The following BTBD9 variants were observed in gnomAD, a reference collection of about 807,000 sequenced individuals.
The protein encoded by BTBD9 is BTB domain containing 9, also known as BTB/POZ domain-containing protein 9.
Under a neutral mutation model 64.3 loss-of-function variants are expected in BTBD9, and 49 were observed. The ratio of observed to expected loss-of-function variants is 0.76; its 90% CI spans 0.61 to 0.97. The LOEUF (loss-of-function observed/expected upper bound fraction) is 0.97. BTBD9 is among the 50% of genes least tolerant of loss of function. The probability of loss-of-function intolerance (pLI) is 0.00; values close to 1 mark genes in which losing one functional copy is unlikely to be tolerated. For synonymous variants in BTBD9, 260 were observed against 274.7 expected (o/e 0.95, Z 0.53); for missense variants, 598 against 762.1 (o/e 0.78, Z 2.53).
intron 6 of BTBD9, among the ~76,000 whole-genome samples, chr6:38,570,297 T>C (rs1346022576): frequency 6.6e-6 from 1 of 152,224 alleles, no homozygotes; most frequent in African/African-American, 2.4e-5. Flanking sequence ...CTCCTTCTCC[T>C]ACTCTAAGGT....
intron 6 of BTBD9, among the ~76,000 whole-genome samples, chr6:38,423,291 CTTATTA>C (rs919865342): frequency 2.0e-5 from 3 of 151,702 alleles, no homozygotes; most frequent in African/African-American, 4.8e-5. Flanking sequence ...AAATTAAAAC[CTTATTA>C]TTATTATTAT....
chr6:38,484,059 T>C (rs1310771974), intron 6 of BTBD9, among the ~76,000 whole-genome samples: 1 of 152,238 alleles, frequency 6.6e-6, no homozygotes, highest in Non-Finnish European at 1.5e-5. Flanking sequence ...GTGTTTAGTA[T>C]ATTGTGGGTG....
chr6:38,592,181 C>CAA (rs199989280), intron 4 of BTBD9, among the ~76,000 whole-genome samples: 8,129 of 110,574 alleles, frequency 0.074, 565 homozygotes, highest in East Asian at 0.25. Context: ...AACTCCATCT[C>CAA]AAAAAAAAAA....
chr6:38,555,257 G>A (rs1385682908), intron 6 of BTBD9, among the ~76,000 whole-genome samples: 1 of 152,110 alleles, frequency 6.6e-6, no homozygotes, highest in Non-Finnish European at 1.5e-5. Flanking sequence ...GCCTGTGTTT[G>A]TTGCTGCTGT....
intron 1 of BTBD9, among the ~76,000 whole-genome samples, chr6:38,599,086 G>A (rs1777159208): frequency 6.6e-6 from 1 of 152,016 alleles, no homozygotes; most frequent in African/African-American, 2.4e-5. Flanking sequence ...CTGATGATCA[G>A]GCTGCCAATG....
intron 6 of BTBD9, among the ~76,000 whole-genome samples, chr6:38,386,904 A>C (rs1195686146): frequency 6.6e-6 from 1 of 152,002 alleles, no homozygotes; most frequent in African/African-American, 2.4e-5. Flanking sequence ...TGGGCTCCCA[A>C]AGTGCTGGGA....
At chr6:38,293,465 T>TA (rs1762037818) in intron 7 of BTBD9, among the ~76,000 whole-genome samples, 1 of 151,872 alleles carries the variant, frequency 6.6e-6, no homozygotes, top group Admixed American at 6.6e-5. Flanking sequence ...TGGTACCAAA[T>TA]AGATATATGG....
At chr6:38,218,256 C>T (rs1305501406) in intron 9 of BTBD9, among the ~76,000 whole-genome samples, 1 of 152,216 alleles carries the variant, frequency 6.6e-6, no homozygotes, top group African/African-American at 2.4e-5. Context: ...AGATCTCTGT[C>T]ACACATTCAT....
chr6:38,380,947 T>C (rs1317053340), intron 6 of BTBD9, among the ~76,000 whole-genome samples: 2 of 151,992 alleles, frequency 1.3e-5, no homozygotes, highest in Non-Finnish European at 2.9e-5. Flanking sequence ...TTAAAATTTC[T>C]GAAATCTAGT....
In BTBD9 at chr6:38,632,508, T is replaced by C. The variant is rs185044116; in HGVS notation, c.-28+7292A>G. 4.0e-3 allele frequency among the ~76,000 whole-genome samples: 604 copies of C among 152,312 alleles called. 8 individuals carry two copies. The highest frequency in any genetic ancestry group is 0.014 in the African/African-American group (573 of 41,554). On this transcript the variant is annotated intron_variant, in intron 1 of 10. Coordinates refer to ENST00000481247, the MANE Select transcript of BTBD9 (RefSeq NM_001099272.2). ...TTAGCTGGGAAATCTCAGGTAAACATTGTTTGGGGTGAAGTTTTAAGGGAT... is the reference window on the plus strand; with the variant it reads ...TTAGCTGGGAAATCTCAGGTAAACACTGTTTGGGGTGAAGTTTTAAGGGAT...
intron 10 of BTBD9, among the ~76,000 whole-genome samples, chr6:38,189,705 G>A (rs1761974462): frequency 6.7e-6 from 1 of 149,674 alleles, no homozygotes; most frequent in Non-Finnish European, 1.5e-5. Context: ...ATGGAGCCTT[G>A]TTCTGTTGCC....
intron 6 of BTBD9, among the ~76,000 whole-genome samples, chr6:38,349,455 C>T (rs899811498): frequency 2.6e-5 from 4 of 152,070 alleles, no homozygotes; most frequent in African/African-American, 7.2e-5. Flanking sequence ...CAGTTATCTG[C>T]AGTACAGTAT....
At chr6:38,417,800 GAAA>G (rs10694538) in intron 6 of BTBD9, among the ~76,000 whole-genome samples, 33 of 142,966 alleles carry the variant, frequency 2.3e-4, no homozygotes, top group South Asian at 1.3e-3. Context: ...GAGAGAGAGA[GAAA>G]AAAAATATTG....
intron 8 of BTBD9, among the ~76,000 whole-genome samples, chr6:38,257,058 C>T (rs1231785971): frequency 4.2e-5 from 6 of 143,036 alleles, no homozygotes; most frequent in African/African-American, 1.6e-4. Context: ...TATAGTTGCA[C>T]ACTTCTTTTT....
intron 1 of BTBD9, among the ~76,000 whole-genome samples, chr6:38,635,689 A>G (rs1041183456): frequency 6.6e-6 from 1 of 152,208 alleles, no homozygotes; most frequent in Non-Finnish European, 1.5e-5. Context: ...GTTATGACAC[A>G]GCAAGAAGGC....
intron 10 of BTBD9, among the ~76,000 whole-genome samples, chr6:38,190,467 T>TAAAAA (rs70981527): frequency 1.2e-4 from 9 of 77,504 alleles, no homozygotes; most frequent in African/African-American, 3.3e-4. Flanking sequence ...AAACTCTGTC[T>TAAAAA]AAAAAAAAAA....
intron 8 of BTBD9, among the ~76,000 whole-genome samples, chr6:38,287,097 AAAAAAAAAAT>A (rs1286452252): frequency 7.7e-6 from 1 of 129,584 alleles, no homozygotes; most frequent in Non-Finnish European, 1.6e-5. Flanking sequence ...AAAAAAAAAA[AAAAAAAAAAT>A]ATACACACAC....
chr6:38,179,839 A>G (rs756969127), intron 10 of BTBD9: 1 of 456,786 alleles, frequency 2.2e-6, no homozygotes, highest in South Asian at 1.5e-5. Context: ...AGGGCAGGCT[A>G]CAGAGAGGAA....
intron 2 of BTBD9, chr6:38,596,050 C>T: frequency 2.0e-6 from 2 of 985,436 alleles, no homozygotes; most frequent in Non-Finnish European, 1.2e-6. Flanking sequence ...AAGTTTCCTC[C>T]TATACAATTC....
Sources: allele counts gnomAD v4.1 joint callset (sites outside exome capture counted in the v4.1 genomes callset), GRCh38; gene constraint gnomAD v4.1.1; transcripts MANE v1.5; gene names NCBI Gene and HGNC (gene_info 2026-07-23, HGNC 2026-07-21).